Variants in CDH12 observed in about 807,000 individuals in gnomAD.
The protein encoded by CDH12 is cadherin-12.
A neutral mutation model predicts 74.1 loss-of-function variants in CDH12; 41 were observed. The ratio of observed to expected loss-of-function variants is 0.55; its 90% CI spans 0.43 to 0.72. CDH12 has a LOEUF of 0.72. CDH12 is among the 30% of genes least tolerant of loss of function. The pLI is 0.00. For missense variants in CDH12, 945 were observed against 977.2 expected, an observed-to-expected ratio of 0.97 and a Z score of 0.44; for synonymous variants, 399 against 355.0, an observed-to-expected ratio of 1.12 and a Z score of -1.39.
chr5:22,729,624 T>G (rs1338475017), intron 1 of CDH12, among the ~76,000 whole-genome samples: 2 of 151,884 alleles, frequency 1.3e-5, no homozygotes, highest in Non-Finnish European at 2.9e-5. Context: ...CTTTAATATT[T>G]TTTCAGTTTT....
intron 9 of CDH12, among the ~76,000 whole-genome samples, chr5:21,809,392 T>A (rs1561203338): frequency 1.3e-5 from 2 of 152,096 alleles, no homozygotes; most frequent in Admixed American, 6.6e-5. Flanking sequence ...AATGCTGAAA[T>A]AAAATATATG....
chr5:22,517,029 T>G (rs1000168437), intron 1 of CDH12, among the ~76,000 whole-genome samples: 1 of 152,048 alleles, frequency 6.6e-6, no homozygotes, highest in Non-Finnish European at 1.5e-5. Flanking sequence ...TTACATTTTC[T>G]TTTTAAAATT....
chr5:22,512,484 T>A (rs1736653717), intron 1 of CDH12, among the ~76,000 whole-genome samples: 2 of 152,264 alleles, frequency 1.3e-5, no homozygotes, highest in African/African-American at 4.8e-5. Flanking sequence ...CCCAGGGCAC[T>A]AGTTTGGGGT....
At chr5:22,399,380 A>G (rs1742613968) in intron 3 of CDH12, among the ~76,000 whole-genome samples, 1 of 152,152 alleles carries the variant, frequency 6.6e-6, no homozygotes. Context: ...AAAAAATAAA[A>G]ACAACAAAAA....
chr5:22,034,704 GC>G (rs1739051601), intron 5 of CDH12, among the ~76,000 whole-genome samples: 1 of 152,120 alleles, frequency 6.6e-6, no homozygotes, highest in Non-Finnish European at 1.5e-5. Context: ...AAACATTTGT[GC>G]TGTAATTCTT....
intron 3 of CDH12, among the ~76,000 whole-genome samples, chr5:22,319,841 G>C (rs748571325): frequency 3.0e-4 from 46 of 151,900 alleles, no homozygotes; most frequent in South Asian, 8.3e-4. Flanking sequence ...GAAGAAAAGG[G>C]GAAGGAAGAG....
chr5:22,456,277 C>T (rs1745271036), intron 2 of CDH12, among the ~76,000 whole-genome samples: 1 of 144,544 alleles, frequency 6.9e-6, no homozygotes, highest in Non-Finnish European at 1.5e-5. Flanking sequence ...TGTGTGTAAT[C>T]AACTCTTAAT....
intron 7 of CDH12, among the ~76,000 whole-genome samples, chr5:21,844,060 T>G (rs1000399296): frequency 1.3e-5 from 2 of 152,192 alleles, no homozygotes; most frequent in African/African-American, 4.8e-5. Context: ...TATATCTATC[T>G]GGACTGAGAG....
intron 1 of CDH12, among the ~76,000 whole-genome samples, chr5:22,542,811 C>T (rs899923457): frequency 3.9e-5 from 6 of 152,030 alleles, no homozygotes; most frequent in African/African-American, 7.2e-5. Context: ...TACAGCAAAG[C>T]GTATATGGAA....
intron 2 of CDH12, among the ~76,000 whole-genome samples, chr5:22,460,713 ATTTT>A (rs3039460): frequency 5.8e-5 from 5 of 85,620 alleles, no homozygotes; most frequent in African/African-American, 2.0e-4. Flanking sequence ...ATATCTAGCA[ATTTT>A]TTTTTTTTTT....
At chr5:22,475,421 A>C (rs756147552) in intron 2 of CDH12, among the ~76,000 whole-genome samples, 11 of 152,112 alleles carry the variant, frequency 7.2e-5, no homozygotes, top group Non-Finnish European at 1.3e-4. Context: ...TTTTAGGTGA[A>C]AGGTATTAGA....
At chr5:21,920,664 A>G (rs932011411) in intron 6 of CDH12, among the ~76,000 whole-genome samples, 1 of 142,556 alleles carries the variant, frequency 7.0e-6, no homozygotes, top group African/African-American at 2.5e-5. Flanking sequence ...CCAGAACTTA[A>G]AGTATGATAA....
At chr5:22,407,585 C>A (rs1742992394) in intron 2 of CDH12, among the ~76,000 whole-genome samples, 1 of 152,000 alleles carries the variant, frequency 6.6e-6, no homozygotes, top group East Asian at 1.9e-4. Context: ...TCCTTTTTAT[C>A]TTTCCCCATG....
chr5:22,816,578 T>C (rs1288303196), intron 1 of CDH12, among the ~76,000 whole-genome samples: 3 of 152,144 alleles, frequency 2.0e-5, no homozygotes, highest in Admixed American at 6.6e-5. Context: ...TACCATTGAG[T>C]AAAACCATTT....
chr5:22,140,897 T>A (rs1034429717), intron 4 of CDH12, among the ~76,000 whole-genome samples: 1 of 152,182 alleles, frequency 6.6e-6, no homozygotes, highest in African/African-American at 2.4e-5. Context: ...TCTGTCCTCC[T>A]CACATTTCAG....
At chr5:21,804,112 T>C (rs1225358913) in intron 9 of CDH12, among the ~76,000 whole-genome samples, 1 of 152,186 alleles carries the variant, frequency 6.6e-6, no homozygotes, top group African/African-American at 2.4e-5. Flanking sequence ...TCTTTTTACT[T>C]TTCTATATTT....
chr5:22,697,054 T>C lies in CDH12; in HGVS notation c.-523+156004A>G, dbSNP rs151151799. On this transcript the variant is annotated intron_variant, in intron 1 of 14. Coordinates refer to ENST00000382254, the MANE Select transcript of CDH12 (RefSeq NM_004061.5). Reference sequence around the variant, plus strand: ...TGGACCATAAGTTCTGAGCCCATGGTTAGATTCACAGCGCATTTCACTAGG... The same window carrying C: ...TGGACCATAAGTTCTGAGCCCATGGCTAGATTCACAGCGCATTTCACTAGG... Among the ~76,000 whole-genome samples, 347 of 152,258 alleles carry C rather than the reference T, an allele frequency of 2.3e-3. 4 individuals carry two copies. In the Middle Eastern group the frequency reaches 0.051, roughly 23 times the overall value.
chr5:22,254,678 A>G (rs1419333910), intron 3 of CDH12, among the ~76,000 whole-genome samples: 1 of 151,854 alleles, frequency 6.6e-6, no homozygotes, highest in African/African-American at 2.4e-5. Context: ...AGTTAAAAAA[A>G]ATCAGTATGG....
At chr5:22,250,755 TAGAG>T (rs1356212775) in intron 3 of CDH12, among the ~76,000 whole-genome samples, 3 of 152,190 alleles carry the variant, frequency 2.0e-5, no homozygotes, top group Non-Finnish European at 4.4e-5. Flanking sequence ...ACATGTGTCT[TAGAG>T]AGCTCTTTCT....
Sources: allele counts gnomAD v4.1 joint callset (sites outside exome capture counted in the v4.1 genomes callset), GRCh38; gene constraint gnomAD v4.1.1; transcripts MANE v1.5; gene names NCBI Gene and HGNC (gene_info 2026-07-23, HGNC 2026-07-21).